CYP2C18: variants seen among roughly 807,000 people sequenced by gnomAD.
CYP2C18 encodes cytochrome P450 2C18.
A neutral mutation model predicts 41.3 loss-of-function variants in CYP2C18; 38 were observed. The ratio of observed to expected loss-of-function variants is 0.92; its 90% CI spans 0.71 to 1.21. The LOEUF is 1.21. Among genes scored for constraint, CYP2C18 ranks in the 50% most tolerant of loss-of-function variants. The probability of loss-of-function intolerance (pLI) is 0.00; values close to 1 mark genes in which losing one functional copy is unlikely to be tolerated. For missense variants in CYP2C18, 635 were observed against 591.4 expected (o/e 1.07, Z -0.77); for synonymous variants, 236 against 210.0 (o/e 1.12, Z -1.07).
chr10:94,729,098 T>A (rs768171558), intron 7 of CYP2C18, among the ~76,000 whole-genome samples: 1 of 152,096 alleles, frequency 6.6e-6, no homozygotes, highest in African/African-American at 2.4e-5. Context: ...CAGACCATCA[T>A]GGATGAGTTA....
Position 94,735,380 on chromosome 10 carries a change from C to A in CYP2C18, c.1409C>A (p.Thr470Asn), listed in dbSNP as rs756799704. The A allele has an allele frequency of 5.0e-6, 8 of 1,613,632 alleles. No individual in the cohort carries two copies. Among genetic ancestry groups the A allele is most frequent in the Admixed American group, 3.3e-5 (2 of 59,938 alleles). Reference sequence around the variant, plus strand: ...GTTGACCCAAAGGATATTGACATCACCCCCATTGCCAATGCATTTGGTCGT... The same window carrying A: ...GTTGACCCAAAGGATATTGACATCAACCCCATTGCCAATGCATTTGGTCGT... ...SQVDPKDIDI[T>N]PIANAFGRVP... is the part of the protein sequence containing the mutation. The change falls in exon 9 of 9, where the codon ACC (threonine) becomes AAC (asparagine). Residue 470 changes from threonine (T) to asparagine (N), a missense_variant. Physicochemically the swap from Thr to Asn is moderately conservative, Grantham distance 65. Transcript: ENST00000285979.
chr10:94,685,400 G>T (rs1181958946), intron 1 of CYP2C18, among the ~76,000 whole-genome samples: 5 of 152,098 alleles, frequency 3.3e-5, no homozygotes, highest in African/African-American at 1.2e-4. Flanking sequence ...AGTATTTTGG[G>T]TGGTCAGAAT....
At chr10:94,686,237 T>C (rs1846885246) in intron 1 of CYP2C18, among the ~76,000 whole-genome samples, 1 of 152,218 alleles carries the variant, frequency 6.6e-6, no homozygotes, top group Non-Finnish European at 1.5e-5. Flanking sequence ...CATGTTGATT[T>C]TTTATCCTTC....
intron 5 of CYP2C18, among the ~76,000 whole-genome samples, chr10:94,707,893 A>T (rs1422230018): frequency 2.6e-5 from 4 of 152,160 alleles, no homozygotes; most frequent in African/African-American, 9.7e-5. Context: ...AAAGATTCAG[A>T]TGGTGAATTT....
chr10:94,729,234 A>C (rs1847791662), intron 7 of CYP2C18, among the ~76,000 whole-genome samples: 1 of 152,168 alleles, frequency 6.6e-6, no homozygotes, highest in Admixed American at 6.6e-5. Context: ...CTGCTCAATA[A>C]GAATTTTAAG....
chr10:94,713,994 G>A (rs1847494226), intron 5 of CYP2C18, among the ~76,000 whole-genome samples: 1 of 152,118 alleles, frequency 6.6e-6, no homozygotes, highest in South Asian at 2.1e-4. Context: ...AGAAGTGTCT[G>A]TTCATATACT....
chr10:94,720,626 G>T, intron 6 of CYP2C18, 89 bp downstream of exon 6: 1 of 1,306,848 alleles, frequency 7.7e-7, no homozygotes, highest in South Asian at 1.4e-5. Flanking sequence ...TTCTCTTAGA[G>T]AAGCTTCATT....
chr10:94,713,632 A>C (rs1465980585), intron 5 of CYP2C18, among the ~76,000 whole-genome samples: 1 of 152,230 alleles, frequency 6.6e-6, no homozygotes, highest in African/African-American at 2.4e-5. Flanking sequence ...ATAATGCCAC[A>C]ATAAACATAC....
chr10:94,701,860 G>A (rs980087374), intron 4 of CYP2C18, among the ~76,000 whole-genome samples: 4 of 152,168 alleles, frequency 2.6e-5, no homozygotes, highest in African/African-American at 9.7e-5. Flanking sequence ...GAAGTCTGAA[G>A]CCTATAGCTT....
At chr10:94,716,742 C>G (rs1847552909) in intron 5 of CYP2C18, among the ~76,000 whole-genome samples, 1 of 152,098 alleles carries the variant, frequency 6.6e-6, no homozygotes, top group African/African-American at 2.4e-5. Flanking sequence ...TCCTTGTTAA[C>G]TTTCTGTCTC....
chr10:94,699,833 A>G (rs2134185033), intron 4 of CYP2C18, among the ~76,000 whole-genome samples: 1 of 152,300 alleles, frequency 6.6e-6, no homozygotes. Flanking sequence ...TACACCAATA[A>G]CAGAGAAACA....
chr10:94,723,003 G>A (rs1247482353), intron 6 of CYP2C18, among the ~76,000 whole-genome samples: 6 of 152,020 alleles, frequency 3.9e-5, no homozygotes, highest in African/African-American at 1.4e-4. Flanking sequence ...CCAGACCATG[G>A]GGAATTTTAG....
chr10:94,729,569 A>G (rs1240816038), intron 7 of CYP2C18, among the ~76,000 whole-genome samples: 1 of 152,198 alleles, frequency 6.6e-6, no homozygotes, highest in Non-Finnish European at 1.5e-5. Context: ...AACAAAAAAA[A>G]CCAGTGATGG....
chr10:94,732,705 G>T (rs948893582), intron 7 of CYP2C18, among the ~76,000 whole-genome samples: 4 of 151,922 alleles, frequency 2.6e-5, no homozygotes, highest in African/African-American at 9.7e-5. Flanking sequence ...ATTAACGCAG[G>T]AACAGAAAAC....
intron 4 of CYP2C18, among the ~76,000 whole-genome samples, chr10:94,703,194 T>A (rs2134188143): frequency 6.6e-6 from 1 of 152,260 alleles, no homozygotes; most frequent in Non-Finnish European, 1.5e-5. Context: ...GGTGTCTCCC[T>A]CTCAGGAGGC....
intron 1 of CYP2C18, among the ~76,000 whole-genome samples, chr10:94,687,559 G>A (rs1342758607): frequency 6.6e-6 from 1 of 152,184 alleles, no homozygotes; most frequent in Non-Finnish European, 1.5e-5. Context: ...TTAATAGCCT[G>A]CATACTACTT....
At chr10:94,720,356 G>A in intron 5 of CYP2C18, 40 bp from the exon 6 acceptor site, 1 of 1,527,760 alleles carries the variant, frequency 6.5e-7, no homozygotes, top group South Asian at 1.2e-5. Context: ...TAATATGCTG[G>A]CAAACTACCA....
intron 7 of CYP2C18, among the ~76,000 whole-genome samples, chr10:94,724,839 A>T (rs1328792502): frequency 1.3e-5 from 2 of 151,856 alleles, no homozygotes; most frequent in Non-Finnish European, 2.9e-5. Flanking sequence ...TTCCCAAAAC[A>T]CTGTGCTGGG....
In CYP2C18 at chr10:94,717,054, T is replaced by G. The variant is rs571523521; in HGVS notation, c.820-3342T>G. On this transcript the variant is annotated intron_variant, in intron 5 of 8. Coordinates refer to ENST00000285979, the MANE Select transcript of CYP2C18 (RefSeq NM_000772.3). ...GCTTGGTAGATCTTCCTCCTTCCCT[T>G]TATTTTGAGTCTGTGTGTGTCTCTG... 3.9e-5 allele frequency among the ~76,000 whole-genome samples: 6 copies of G among 152,308 alleles called. No individual in the cohort carries two copies. The South Asian group carries it at 8.3e-4, about 21-fold the overall frequency.
Sources: allele counts gnomAD v4.1 joint callset (sites outside exome capture counted in the v4.1 genomes callset), GRCh38; gene constraint gnomAD v4.1.1; transcripts MANE v1.5; gene names NCBI Gene and HGNC (gene_info 2026-07-23, HGNC 2026-07-21).